GABRB1: variants seen among roughly 807,000 people sequenced by gnomAD.
GABRB1 encodes gamma-aminobutyric acid type A receptor subunit beta1, also known as gamma-aminobutyric acid receptor subunit beta-1.
GABRB1 carries 17 observed loss-of-function variants against 51.6 expected under a neutral mutation model. That is an observed-to-expected ratio of 0.33 (90% CI 0.23 to 0.49). The LOEUF (loss-of-function observed/expected upper bound fraction) is 0.49. Ranked by LOEUF, GABRB1 falls within the 20% of genes least tolerant of loss-of-function variation. The pLI, the probability that GABRB1 is intolerant of heterozygous loss-of-function variation, is 0.99. For missense variants in GABRB1, 410 were observed against 600.6 expected (o/e 0.68, Z 3.32); for synonymous variants, 247 against 218.9 (o/e 1.13, Z -1.14).
intron 4 of GABRB1, among the ~76,000 whole-genome samples, chr4:47,263,196 TAATAAATAAATA>T (rs60437394): frequency 1.5e-4 from 22 of 149,444 alleles, no homozygotes; most frequent in Middle Eastern, 3.5e-3. Flanking sequence ...AGTATAATAA[TAATAAATAAATA>T]AATAAATAAA....
chr4:47,302,036 TA>T (rs1223773435), intron 4 of GABRB1, among the ~76,000 whole-genome samples: 3 of 152,094 alleles, frequency 2.0e-5, no homozygotes, highest in Admixed American at 6.6e-5. Flanking sequence ...GTTACAAATA[TA>T]AAGAAATGTA....
intron 4 of GABRB1, among the ~76,000 whole-genome samples, chr4:47,165,836 C>T (rs1577966610): frequency 6.6e-6 from 1 of 152,202 alleles, no homozygotes; most frequent in East Asian, 1.9e-4. Context: ...CAAAACTGGG[C>T]CGTCCTCCTT....
At chr4:47,086,747 G>T (rs1728096526) in intron 3 of GABRB1, among the ~76,000 whole-genome samples, 1 of 152,132 alleles carries the variant, frequency 6.6e-6, no homozygotes, top group Admixed American at 6.5e-5. Context: ...ATGGCTTGGA[G>T]CCCAAAAGCA....
At chr4:47,340,568 C>G (rs189923484) in intron 5 of GABRB1, among the ~76,000 whole-genome samples, 1 of 152,268 alleles carries the variant, frequency 6.6e-6, no homozygotes, top group East Asian at 1.9e-4. Context: ...ACTGTACTCT[C>G]TCACATGGCA....
intron 5 of GABRB1, among the ~76,000 whole-genome samples, chr4:47,393,833 CA>C (rs1489278950): frequency 5.3e-5 from 8 of 152,164 alleles, no homozygotes; most frequent in African/African-American, 1.9e-4. Context: ...AAAGTAAGGC[CA>C]CACCTAACCC....
intron 3 of GABRB1, among the ~76,000 whole-genome samples, chr4:47,156,695 G>A (rs1046184248): frequency 2.6e-5 from 4 of 151,980 alleles, no homozygotes; most frequent in South Asian, 2.1e-4. Flanking sequence ...GGGGACAGGC[G>A]CAGTGGCTCA....
intron 5 of GABRB1, among the ~76,000 whole-genome samples, chr4:47,327,068 G>A (rs1725288548): frequency 6.6e-6 from 1 of 152,092 alleles, no homozygotes; most frequent in South Asian, 2.1e-4. Flanking sequence ...TAGAATATAA[G>A]TCTAGTTTAA....
intron 3 of GABRB1, among the ~76,000 whole-genome samples, chr4:47,146,012 T>C (rs1298234415): frequency 6.6e-6 from 1 of 152,006 alleles, no homozygotes; most frequent in Non-Finnish European, 1.5e-5. Flanking sequence ...ACCTTCAGGA[T>C]AGGGAAATGG....
intron 4 of GABRB1, among the ~76,000 whole-genome samples, chr4:47,305,558 T>G (rs1457715556): frequency 6.6e-6 from 1 of 152,110 alleles, no homozygotes; most frequent in African/African-American, 2.4e-5. Flanking sequence ...TGAGATCATT[T>G]CCTATGGGGT....
At chr4:47,314,413 C>T (rs1724811447) in intron 4 of GABRB1, among the ~76,000 whole-genome samples, 1 of 151,956 alleles carries the variant, frequency 6.6e-6, no homozygotes. Context: ...TTGTAATTCA[C>T]AATTCTGAAT....
chr4:47,277,955 G>C (rs141220771), intron 4 of GABRB1, among the ~76,000 whole-genome samples: 181 of 151,720 alleles, frequency 1.2e-3, no homozygotes, highest in African/African-American at 4.3e-3. Flanking sequence ...TTTCTAAGAG[G>C]GTGTCCATAG....
chr4:47,031,506 ATTG>A (rs1725294385), upstream of GABRB1: 1 of 665,630 alleles, frequency 1.5e-6, no homozygotes, highest in Non-Finnish European at 2.7e-6. Flanking sequence ...CACTAGGAAT[ATTG>A]TTTGCAAGGC....
At position 47,412,413 on chromosome 4, in the gene GABRB1, G is replaced by C. The variant is rs545192898; in HGVS notation, c.1080+5487G>C. Among the ~76,000 whole-genome samples the C allele has an allele frequency of 5.9e-5, 9 of 152,160 alleles. No homozygotes were observed. In the South Asian group the frequency reaches 1.0e-3, roughly 18 times the overall value. ...ACATATTCATAATAAGTAAGAAAAA[G>C]AGACTATACTCCACTTCAGCTTCTG... On this transcript the variant is annotated intron_variant, in intron 8 of 8. Coordinates refer to ENST00000295454, the MANE Select transcript of GABRB1 (RefSeq NM_000812.4).
Position 47,278,261 on chromosome 4 carries a change from T to G in GABRB1, c.462-41866T>G, listed in dbSNP as rs185720467. ...ACATAATTACTACAAGTTATTTTTA[T>G]TACTCCTTTAATGTCTTATTGTTTA... On this transcript the variant is annotated intron_variant, in intron 4 of 8. Coordinates refer to ENST00000295454, the MANE Select transcript of GABRB1 (RefSeq NM_000812.4). Among the ~76,000 whole-genome samples the G allele has an allele frequency of 2.3e-3, 350 of 152,306 alleles. 2 individuals carry two copies. The highest frequency in any genetic ancestry group is 2.1e-3 in the Non-Finnish European group (144 of 68,016).
At chr4:47,378,093 G>C (rs1462677504) in intron 5 of GABRB1, among the ~76,000 whole-genome samples, 1 of 152,226 alleles carries the variant, frequency 6.6e-6, no homozygotes, top group Non-Finnish European at 1.5e-5. Flanking sequence ...TAGAGCAGGG[G>C]GTGGCGCTTG....
intron 1 of GABRB1, among the ~76,000 whole-genome samples, chr4:47,006,688 T>C (rs1724410026): frequency 6.6e-6 from 1 of 152,218 alleles, no homozygotes. Context: ...TATTTGGCTT[T>C]TCTTGTAACA....
Position 47,282,124 on chromosome 4 carries a change from A to T in GABRB1, c.462-38003A>T, listed in dbSNP as rs184657714. On this transcript the variant is annotated intron_variant, in intron 4 of 8. Transcript: ENST00000295454. ...GACTCTTTCTATAATAGAAGCATAA[A>T]TCAAAACATCGCCTTGTACCCTACA... Among the ~76,000 whole-genome samples, 412 of 152,380 alleles carry T rather than the reference A, an allele frequency of 2.7e-3. 1 individual carries two copies. The highest frequency in any genetic ancestry group is 3.2e-3 in the Non-Finnish European group (216 of 68,038).
chr4:47,306,743 TTTTG>T (rs370928154), intron 4 of GABRB1, among the ~76,000 whole-genome samples: 69 of 152,300 alleles, frequency 4.5e-4, no homozygotes, highest in African/African-American at 1.4e-3. Flanking sequence ...CTCTTCTTTT[TTTTG>T]TTTGTTTGTT....
At chr4:47,195,769 A>T (rs1437888622) in intron 4 of GABRB1, among the ~76,000 whole-genome samples, 2 of 152,222 alleles carry the variant, frequency 1.3e-5, no homozygotes, top group African/African-American at 4.8e-5. Flanking sequence ...CACTGTCTTG[A>T]AGACTCCACT....
Sources: gnomAD v4.1 joint callset for allele counts (sites outside exome capture counted in the v4.1 genomes callset) on GRCh38, gnomAD v4.1.1 for gene constraint, MANE v1.5 for transcripts, NCBI Gene and HGNC (gene_info 2026-07-23, HGNC 2026-07-21) for gene names.